The following SIPA1L3 variants were observed in gnomAD, a reference collection of about 807,000 sequenced individuals.
SIPA1L3 encodes signal-induced proliferation-associated 1-like protein 3.
Under a neutral mutation model 150.1 loss-of-function variants are expected in SIPA1L3, and 59 were observed. That is an observed-to-expected ratio of 0.39 (90% CI 0.32 to 0.49). The LOEUF (loss-of-function observed/expected upper bound fraction) is 0.49. Ranked by LOEUF, SIPA1L3 falls within the 20% of genes least tolerant of loss-of-function variation. SIPA1L3 has a pLI of 0.86. For missense variants in SIPA1L3, 2,211 were observed against 2,489.5 expected, an observed-to-expected ratio of 0.89 and a Z score of 2.38; for synonymous variants, 1,070 against 1,077.6, an observed-to-expected ratio of 0.99 and a Z score of 0.14.
chr19:37,908,864 TG>T (rs2046356821), intron 1 of SIPA1L3, among the ~76,000 whole-genome samples: 1 of 152,196 alleles, frequency 6.6e-6, no homozygotes, highest in African/African-American at 2.4e-5. Flanking sequence ...ATTGTCCTGG[TG>T]CTGCCAGCTT....
chr19:37,912,186 G>A (rs568850042), intron 1 of SIPA1L3, among the ~76,000 whole-genome samples: 75 of 151,788 alleles, frequency 4.9e-4, no homozygotes, highest in African/African-American at 1.6e-3. Context: ...GCAGTGAGCC[G>A]AGATTGTACC....
intron 2 of SIPA1L3, among the ~76,000 whole-genome samples, chr19:38,038,697 G>C (rs1447084516): frequency 6.6e-6 from 1 of 151,958 alleles, no homozygotes; most frequent in Non-Finnish European, 1.5e-5. Flanking sequence ...AGACACCCAG[G>C]AACATCTTCT....
chr19:38,204,943 G>A (rs915406238), intron 21 of SIPA1L3, among the ~76,000 whole-genome samples: 3 of 152,178 alleles, frequency 2.0e-5, no homozygotes, highest in African/African-American at 7.2e-5. Context: ...ATTATAGGGT[G>A]TCCATGCAGC....
At chr19:37,967,257 CTT>C (rs1176245908) in intron 1 of SIPA1L3, among the ~76,000 whole-genome samples, 4 of 143,316 alleles carry the variant, frequency 2.8e-5, no homozygotes, top group Non-Finnish European at 4.6e-5. Context: ...CCCCCCCACC[CTT>C]TTTTTTTTTT....
intron 20 of SIPA1L3, 171 bp from the exon 21 acceptor site, chr19:38,203,956 A>G (rs571635262): frequency 3.2e-5 from 19 of 593,648 alleles, no homozygotes; most frequent in African/African-American, 2.4e-4. Flanking sequence ...TGGTGGGTGG[A>G]GTGTGCCGGG....
At chr19:38,172,623 G>A (rs1972352532) in intron 15 of SIPA1L3, among the ~76,000 whole-genome samples, 1 of 152,192 alleles carries the variant, frequency 6.6e-6, no homozygotes, top group African/African-American at 2.4e-5. Flanking sequence ...CAATGCTCCA[G>A]AAATGGTCAG....
intron 1 of SIPA1L3, among the ~76,000 whole-genome samples, chr19:37,971,978 G>A (rs1307967201): frequency 6.6e-6 from 1 of 152,122 alleles, no homozygotes; most frequent in Non-Finnish European, 1.5e-5. Context: ...GCTTATCCAG[G>A]CATCACCTGA....
chr19:38,049,777 C>T (rs1427884485), intron 2 of SIPA1L3, among the ~76,000 whole-genome samples: 1 of 152,142 alleles, frequency 6.6e-6, no homozygotes, highest in African/African-American at 2.4e-5. Flanking sequence ...CCGCGTTCCC[C>T]CGAGAGCACA....
At chr19:38,062,697 T>C (rs1969475764) in intron 2 of SIPA1L3, among the ~76,000 whole-genome samples, 3 of 152,072 alleles carry the variant, frequency 2.0e-5, no homozygotes, top group Non-Finnish European at 4.4e-5. Context: ...CTCAGCGCAC[T>C]GTAACTGCTG....
At chr19:37,971,826 C>G (rs1044849644) in intron 1 of SIPA1L3, among the ~76,000 whole-genome samples, 16 of 152,064 alleles carry the variant, frequency 1.1e-4, no homozygotes, top group Non-Finnish European at 1.8e-4. Context: ...CTCAGCCTCC[C>G]AAAGTGCTGG....
At chr19:37,934,289 G>A (rs576574034) in intron 1 of SIPA1L3, among the ~76,000 whole-genome samples, 138 of 152,250 alleles carry the variant, frequency 9.1e-4, no homozygotes, top group Admixed American at 2.0e-3. Context: ...ATACATCATC[G>A]CATGTCAGGA....
chr19:38,206,140 T>G lies in SIPA1L3; in HGVS notation c.5246T>G (p.Leu1749Arg), dbSNP rs2146081161. 1.3e-6 allele frequency: 2 copies of G among 1,551,046 alleles called. No individual in the cohort carries two copies. Among genetic ancestry groups the G allele is most frequent in the Non-Finnish European group, 1.7e-6 (2 of 1,146,782 alleles). The change falls in exon 22 of 22, where the codon CTG (leucine) becomes CGG (arginine). Residue 1749 changes from leucine (L) to arginine (R), a missense_variant. Leu to Arg is a moderately radical substitution (Grantham distance 102, BLOSUM62 -2). Coordinates refer to ENST00000222345, the MANE Select transcript of SIPA1L3 (RefSeq NM_015073.3). ...KVVLQSEVAS[L>R]RQNNQRLQEE... is the part of the protein sequence containing the mutation. Reference sequence around the variant, plus strand: ...GTGCTCCAGTCAGAGGTGGCCAGCCTGCGGCAGAACAACCAGCGGCTGCAG... The same window carrying G: ...GTGCTCCAGTCAGAGGTGGCCAGCCGGCGGCAGAACAACCAGCGGCTGCAG...
intron 8 of SIPA1L3, among the ~76,000 whole-genome samples, chr19:38,112,105 A>G (rs1459269834): frequency 3.3e-5 from 5 of 150,774 alleles, no homozygotes; most frequent in Non-Finnish European, 7.4e-5. Context: ...ACCTACATGC[A>G]CACACATACA....
intron 15 of SIPA1L3, among the ~76,000 whole-genome samples, chr19:38,172,213 G>A (rs889819247): frequency 3.9e-5 from 6 of 152,164 alleles, no homozygotes; most frequent in African/African-American, 1.4e-4. Context: ...CAGGCCCAGG[G>A]CAGAGCCAGC....
At chr19:38,014,672 AT>A (rs11335709) in intron 1 of SIPA1L3, among the ~76,000 whole-genome samples, 104,780 of 139,656 alleles carry the variant, frequency 0.75, 39,066 homozygotes, top group East Asian at 0.95. Context: ...CCCCCGGCTA[AT>A]TTTTTTTTTT....
intron 1 of SIPA1L3, among the ~76,000 whole-genome samples, chr19:37,939,979 G>A (rs2046638235): frequency 6.6e-6 from 1 of 152,120 alleles, no homozygotes. Context: ...CACCTGTTTT[G>A]TACAGGCACT....
chr19:38,147,968 G>A lies in SIPA1L3; in HGVS notation c.3534-4872G>A, dbSNP rs542596046. Among the ~76,000 whole-genome samples the A allele has an allele frequency of 1.2e-4, 18 of 152,078 alleles. No individual in the cohort carries two copies. The East Asian group carries it at 2.7e-3, about 23-fold the overall frequency. ...TGAGGTGGGAGGATTGCTTGGGCCC[G>A]GGCTGTCAAGGCTTCAGTGAGCCAG... On this transcript the variant is annotated intron_variant, in intron 12 of 21. Coordinates refer to ENST00000222345, the MANE Select transcript of SIPA1L3 (RefSeq NM_015073.3).
chr19:37,909,829 C>T (rs187568248), intron 1 of SIPA1L3, among the ~76,000 whole-genome samples: 36 of 152,266 alleles, frequency 2.4e-4, no homozygotes, highest in Admixed American at 2.3e-3. Flanking sequence ...AATTTATTAG[C>T]GCTCCCCTTA....
At chr19:38,074,171 G>A (rs1027295415) in intron 2 of SIPA1L3, among the ~76,000 whole-genome samples, 2 of 152,160 alleles carry the variant, frequency 1.3e-5, no homozygotes, top group African/African-American at 4.8e-5. Flanking sequence ...AGTCCCAGAG[G>A]CTGCGGGTGC....
Sources: allele counts gnomAD v4.1 joint callset (sites outside exome capture counted in the v4.1 genomes callset), GRCh38; gene constraint gnomAD v4.1.1; transcripts MANE v1.5; gene names NCBI Gene and HGNC (gene_info 2026-07-23, HGNC 2026-07-21).